CPD: variants seen among roughly 807,000 people sequenced by gnomAD.
The protein encoded by CPD is metallocarboxypeptidase D.
CPD carries 69 observed loss-of-function variants against 138.3 expected under a neutral mutation model. The observed-to-expected ratio is 0.50, with a 90% CI of 0.41 to 0.61. The LOEUF is 0.61. CPD is among the 20% of genes least tolerant of loss of function. The pLI, the probability that CPD is intolerant of heterozygous loss-of-function variation, is 0.00. For missense variants in CPD, 1,432 were observed against 1,733.3 expected, an observed-to-expected ratio of 0.83 and a Z score of 3.09; for synonymous variants, 651 against 642.1, an observed-to-expected ratio of 1.01 and a Z score of -0.21.
chr17:30,403,285 G>A (rs1025460856), intron 2 of CPD, among the ~76,000 whole-genome samples: 1 of 152,124 alleles, frequency 6.6e-6, no homozygotes, highest in Non-Finnish European at 1.5e-5. Flanking sequence ...GCACCACTCA[G>A]GGGCCAGTCT....
At chr17:30,389,062 T>G (rs748327987) in intron 2 of CPD, among the ~76,000 whole-genome samples, 1 of 152,170 alleles carries the variant, frequency 6.6e-6, no homozygotes, top group Non-Finnish European at 1.5e-5. Context: ...CAGCTCCGCA[T>G]AGGGGTTCCT....
Position 30,423,512 on chromosome 17 carries a change from C to A in CPD, c.1664C>A (p.Pro555Gln). ...GTAATTATTTTGTTTTCAGGTGAAC[C>A]AGAATTTAAGTACATTGGAAATATG... ...DNPGVHEPGE[P>Q]EFKYIGNMHG... The change falls in exon 6 of 21, where the codon CCA becomes CAA. Residue 555 changes from proline to glutamine, a missense_variant. Coordinates refer to ENST00000225719, the MANE Select transcript of CPD (RefSeq NM_001304.5). 1 of 1,541,358 alleles carries A rather than the reference C, an allele frequency of 6.5e-7. No homozygotes were observed.
Position 30,384,936 on chromosome 17 carries a change from A to G in CPD, c.747-53A>G, listed in dbSNP as rs545024447. ...AGATTTTGTGGAATTTTTTTAATGC[A>G]TGGTGTTTTGTGTCCTTTTTTAGTG... On this transcript the variant is annotated intron_variant, in intron 1 of 20. Transcript: ENST00000225719. 94 of 1,569,216 alleles carry G rather than the reference A, an allele frequency of 6.0e-5. No individual in the cohort carries two copies. The South Asian group carries it at 9.5e-4, about 16-fold the overall frequency.
At chr17:30,437,337 G>A (rs988749476) in intron 8 of CPD, among the ~76,000 whole-genome samples, 1 of 152,030 alleles carries the variant, frequency 6.6e-6, no homozygotes, top group Non-Finnish European at 1.5e-5. Flanking sequence ...AGAAGACTGA[G>A]GGGTGGAGGA....
chr17:30,432,532 C>T (rs532057517), intron 8 of CPD, among the ~76,000 whole-genome samples: 5 of 152,050 alleles, frequency 3.3e-5, no homozygotes, highest in Non-Finnish European at 7.3e-5. Flanking sequence ...TCTGTATTTT[C>T]CAAACTTCCT....
At chr17:30,449,442 C>T in intron 12 of CPD, 111 bp from the exon 13 acceptor site, 1 of 984,220 alleles carries the variant, frequency 1.0e-6, no homozygotes, top group South Asian at 1.8e-5. Context: ...TCTTTAAAGA[C>T]TTTTTAAAAC....
intron 1 of CPD, 128 bp from the exon 2 acceptor site, chr17:30,384,861 T>TA: frequency 2.1e-6 from 2 of 954,868 alleles, no homozygotes; most frequent in East Asian, 2.4e-5. Flanking sequence ...TAACAGCTGA[T>TA]AGAGTTGTTT....
rs201040842 is a variant in CPD, at chr17:30,379,361, C to T, written c.381C>T (p.Pro127=). The change falls in exon 1 of 21, where the codon CCC becomes CCT. Residue 127 remains proline (P), a synonymous_variant. Coordinates refer to ENST00000225719, the MANE Select transcript of CPD (RefSeq NM_001304.5). The surrounding 1 kb of genome is among the most constrained non-coding windows in gnomAD (Gnocchi z 7.0). ...AGPDAAGPLL[P]GRPQVKLVGN... ...CCGACGCTGCGGGGCCGCTGCTGCC[C>T]GGCCGGCCCCAGGTGAAGCTGGTGG... 137 of 1,503,160 alleles carry T rather than the reference C, an allele frequency of 9.1e-5. 1 individual carries two copies. In the African/African-American group the frequency reaches 1.7e-3, roughly 18 times the overall value. 93.1% of individuals were successfully genotyped at this position (1,503,160 alleles called of 1,614,324 possible).
chr17:30,403,774 A>G (rs1262318649), intron 2 of CPD, among the ~76,000 whole-genome samples: 1 of 152,140 alleles, frequency 6.6e-6, no homozygotes, highest in African/African-American at 2.4e-5. Context: ...CCTCCATGCC[A>G]CCTCTAGATA....
At chr17:30,428,493 A>AT (rs1912481069) in intron 7 of CPD, among the ~76,000 whole-genome samples, 3 of 152,220 alleles carry the variant, frequency 2.0e-5, no homozygotes, top group African/African-American at 7.2e-5. Flanking sequence ...CTTACAATGA[A>AT]TATTATTTGG....
In CPD at chr17:30,466,993, C is replaced by T. The variant is rs1913658683; in HGVS notation, c.*2179C>T. On this transcript the variant is annotated 3_prime_UTR_variant, in exon 21 of 21. Coordinates refer to ENST00000225719, the MANE Select transcript of CPD (RefSeq NM_001304.5). The stretch of plus-strand genomic sequence containing the variant: ...CATTTAGCTGGAAAACAAGACTTTC[C>T]CAGCTTGTATTACCTAGAAGCGTGA... 1.3e-5 allele frequency: 2 copies of T among 152,480 alleles called. No individual in the cohort carries two copies. Among genetic ancestry groups the T allele is most frequent in the Non-Finnish European group, 2.9e-5 (2 of 68,006 alleles). 9.4% of individuals were successfully genotyped at this position (152,480 alleles called of 1,614,324 possible). A position where few individuals can be genotyped will look rare whatever the true frequency, so the allele number is the denominator to read the frequency against.
At chr17:30,405,183 A>G (rs1201578254) in intron 2 of CPD, among the ~76,000 whole-genome samples, 1 of 152,066 alleles carries the variant, frequency 6.6e-6, no homozygotes, top group Non-Finnish European at 1.5e-5. Flanking sequence ...TTCAATATTT[A>G]AAGGGGAAAA....
chr17:30,451,665 A>G (rs751106022), intron 13 of CPD, 46 bp from the exon 14 acceptor site: 1 of 1,588,674 alleles, frequency 6.3e-7, no homozygotes, highest in Admixed American at 1.7e-5. Context: ...GTACCCATTG[A>G]TTCTACATGC....
At chr17:30,407,300 G>A (rs1317321890) in intron 2 of CPD, among the ~76,000 whole-genome samples, 1 of 152,148 alleles carries the variant, frequency 6.6e-6, no homozygotes, top group East Asian at 1.9e-4. Context: ...CTTTATAGTA[G>A]CATGATTTAT....
intron 2 of CPD, among the ~76,000 whole-genome samples, chr17:30,390,213 TA>T (rs1194088859): frequency 6.6e-6 from 1 of 152,046 alleles, no homozygotes; most frequent in Non-Finnish European, 1.5e-5. Context: ...GACAGGGTTT[TA>T]CCATGTTGAC....
chr17:30,389,207 C>T (rs1911282244), intron 2 of CPD, among the ~76,000 whole-genome samples: 1 of 152,176 alleles, frequency 6.6e-6, no homozygotes, highest in Admixed American at 6.5e-5. Context: ...CTGTCCGCCT[C>T]CTTCCCGCAC....
At chr17:30,453,953 C>T (rs1218142206) in intron 14 of CPD, 1 of 152,240 alleles carries the variant, frequency 6.6e-6, no homozygotes, top group Non-Finnish European at 1.5e-5. Flanking sequence ...CACAGGGCAC[C>T]AAGTCCCTAG....
At chr17:30,459,195 T>A (rs1457542488) in intron 17 of CPD, among the ~76,000 whole-genome samples, 1 of 102,630 alleles carries the variant, frequency 9.7e-6, no homozygotes, top group Non-Finnish European at 2.0e-5. Flanking sequence ...TTAATTTATT[T>A]TTTATTTATT....
chr17:30,387,152 T>C (rs1911212569), intron 2 of CPD, among the ~76,000 whole-genome samples: 1 of 152,186 alleles, frequency 6.6e-6, no homozygotes, highest in Admixed American at 6.5e-5. Context: ...AATTTCACTC[T>C]TGTTGCCCAG....
Sources: allele counts gnomAD v4.1 joint callset (sites outside exome capture counted in the v4.1 genomes callset), GRCh38; gene constraint gnomAD v4.1.1; non-coding constraint Gnocchi (gnomAD v3.1); transcripts MANE v1.5; gene names NCBI Gene and HGNC (gene_info 2026-07-23, HGNC 2026-07-21).